ADAMTS6: variants seen among roughly 807,000 people sequenced by gnomAD.
The protein encoded by ADAMTS6 is ADAM metallopeptidase with thrombospondin type 1 motif 6, also known as A disintegrin and metalloproteinase with thrombospondin motifs 6.
Under a neutral mutation model 144.3 loss-of-function variants are expected in ADAMTS6, and 23 were observed. The ratio of observed to expected loss-of-function variants is 0.16; its 90% CI spans 0.11 to 0.23. The LOEUF is 0.23. ADAMTS6 is among the 10% of genes least tolerant of loss of function. The pLI, the probability that ADAMTS6 is intolerant of heterozygous loss-of-function variation, is 1.00. For synonymous variants in ADAMTS6, 444 were observed against 457.5 expected (o/e 0.97, Z 0.38); for missense variants, 999 against 1,379.6 (o/e 0.72, Z 4.37).
intron 7 of ADAMTS6, among the ~76,000 whole-genome samples, chr5:65,407,497 C>A (rs1561513135): frequency 8.1e-6 from 1 of 122,848 alleles, no homozygotes; most frequent in Non-Finnish European, 1.7e-5. Context: ...CCTCCCCCCA[C>A]CCCACAACAG....
intron 4 of ADAMTS6, among the ~76,000 whole-genome samples, chr5:65,457,141 G>A (rs1391519691): frequency 6.6e-6 from 1 of 152,134 alleles, no homozygotes; most frequent in African/African-American, 2.4e-5. Flanking sequence ...CCAGAACATA[G>A]GGAAATACTA....
At chr5:65,344,451 A>AAATC (rs1748133270) in intron 7 of ADAMTS6, among the ~76,000 whole-genome samples, 1 of 151,880 alleles carries the variant, frequency 6.6e-6, no homozygotes, top group South Asian at 2.1e-4. Flanking sequence ...TTACCAACAT[A>AAATC]TTTTGAAAAT....
At chr5:65,455,297 C>G (rs1384360578) in intron 4 of ADAMTS6, among the ~76,000 whole-genome samples, 1 of 152,196 alleles carries the variant, frequency 6.6e-6, no homozygotes, top group Non-Finnish European at 1.5e-5. Context: ...AATCCCAACA[C>G]TTTGGGAGCC....
At chr5:65,408,879 C>CA (rs1201144364) in intron 7 of ADAMTS6, among the ~76,000 whole-genome samples, 3 of 152,200 alleles carry the variant, frequency 2.0e-5, no homozygotes, top group Admixed American at 2.0e-4. Flanking sequence ...GGAAACTGAA[C>CA]AACCTGCTCC....
intron 24 of ADAMTS6, among the ~76,000 whole-genome samples, chr5:65,157,705 G>A (rs940369611): frequency 1.3e-5 from 2 of 152,218 alleles, no homozygotes; most frequent in Non-Finnish European, 2.9e-5. Flanking sequence ...CTGATGAGAA[G>A]TGAGATAGCA....
At chr5:65,359,079 T>C (rs779412483) in intron 7 of ADAMTS6, among the ~76,000 whole-genome samples, 52 of 151,978 alleles carry the variant, frequency 3.4e-4, no homozygotes, top group Non-Finnish European at 4.0e-4. Flanking sequence ...ATTAGCAGAG[T>C]GAAAAGACAA....
chr5:65,409,809 G>A (rs186979074), intron 7 of ADAMTS6, among the ~76,000 whole-genome samples: 1 of 152,232 alleles, frequency 6.6e-6, no homozygotes, highest in Non-Finnish European at 1.5e-5. Flanking sequence ...ATGATCAAGT[G>A]GGCTTCATCC....
At chr5:65,224,760 T>C (rs1757596695) in intron 17 of ADAMTS6, among the ~76,000 whole-genome samples, 164 bp downstream of exon 17, 1 of 152,224 alleles carries the variant, frequency 6.6e-6, no homozygotes, top group Admixed American at 6.5e-5. Context: ...TAAAATATTT[T>C]ACTTGAAGCC....
At chr5:65,192,994 T>G (rs979370855) in intron 21 of ADAMTS6, among the ~76,000 whole-genome samples, 1 of 151,966 alleles carries the variant, frequency 6.6e-6, no homozygotes, top group Non-Finnish European at 1.5e-5. Flanking sequence ...AAAAAATACT[T>G]TCTGATAAAA....
chr5:65,462,144 A>G (rs1201439226), intron 3 of ADAMTS6, among the ~76,000 whole-genome samples: 4 of 152,240 alleles, frequency 2.6e-5, no homozygotes, highest in Non-Finnish European at 5.9e-5. Flanking sequence ...CCATTAACAT[A>G]TTCTAATACC....
At chr5:65,173,063 T>C (rs1753733381) in intron 22 of ADAMTS6, 55 bp from the exon 23 acceptor site, 2 of 1,539,270 alleles carry the variant, frequency 1.3e-6, no homozygotes, top group Non-Finnish European at 1.8e-6. Context: ...AGAGGAAAAT[T>C]TGAAGAAAGT....
chr5:65,334,694 G>T (rs1747140369), intron 7 of ADAMTS6, among the ~76,000 whole-genome samples: 1 of 152,082 alleles, frequency 6.6e-6, no homozygotes, highest in African/African-American at 2.4e-5. Flanking sequence ...AAATGAATCT[G>T]TCAATAGAAA....
chr5:65,225,701 C>T (rs1402359755), intron 16 of ADAMTS6, among the ~76,000 whole-genome samples: 2 of 152,138 alleles, frequency 1.3e-5, no homozygotes, highest in Admixed American at 6.5e-5. Context: ...AAAATTTATG[C>T]TATGAAATGT....
rs531715141 is a variant in ADAMTS6 at position 65,447,508 on chromosome 5, TTAA to T, written c.1073+3964_1073+3966del. Reference sequence around the variant, plus strand: ...TTTTAAAACAACAAAATACAAAAGCTTAATAAAGACAATTTGCAAGTTTTATAG... The same window carrying T: ...TTTTAAAACAACAAAATACAAAAGCTTAAAGACAATTTGCAAGTTTTATAG... On this transcript the variant is annotated intron_variant, in intron 7 of 24. Coordinates refer to ENST00000381055, the MANE Select transcript of ADAMTS6 (RefSeq NM_197941.4). Among the ~76,000 whole-genome samples, 296 of 152,228 alleles carry T rather than the reference TTAA, an allele frequency of 1.9e-3. 1 individual carries two copies. Among genetic ancestry groups the T allele is most frequent in the African/African-American group, 6.9e-3 (286 of 41,574 alleles).
intron 9 of ADAMTS6, among the ~76,000 whole-genome samples, chr5:65,322,626 A>C (rs1189184692): frequency 1.3e-5 from 1 of 78,310 alleles, no homozygotes; most frequent in Non-Finnish European, 2.6e-5. Flanking sequence ...TAGGTATTTT[A>C]TTCATTTTGT....
intron 7 of ADAMTS6, among the ~76,000 whole-genome samples, chr5:65,359,046 G>A (rs368609843): frequency 6.6e-6 from 1 of 152,128 alleles, no homozygotes; most frequent in African/African-American, 2.4e-5. Flanking sequence ...AAATGAAAAG[G>A]CTTCTGCATA....
chr5:65,315,871 G>A (rs1744939970), intron 9 of ADAMTS6, among the ~76,000 whole-genome samples: 1 of 152,110 alleles, frequency 6.6e-6, no homozygotes, highest in Non-Finnish European at 1.5e-5. Context: ...TTATAGAACT[G>A]CAAAGAGAAA....
intron 1 of ADAMTS6, among the ~76,000 whole-genome samples, chr5:65,475,369 CCTA>C (rs1760772198): frequency 6.6e-6 from 1 of 152,124 alleles, no homozygotes; most frequent in Admixed American, 6.5e-5. Context: ...CAAATATTGT[CCTA>C]CTATGTTTAA....
chr5:65,368,824 GC>G (rs1254537584), intron 7 of ADAMTS6, among the ~76,000 whole-genome samples: 3 of 152,174 alleles, frequency 2.0e-5, no homozygotes, highest in African/African-American at 7.2e-5. Context: ...GGAGGCCGAG[GC>G]GGGTGTATTA....
Sources: gnomAD v4.1 joint callset for allele counts (sites outside exome capture counted in the v4.1 genomes callset) on GRCh38, gnomAD v4.1.1 for gene constraint, MANE v1.5 for transcripts, NCBI Gene and HGNC (gene_info 2026-07-23, HGNC 2026-07-21) for gene names.